Variants in CDH12 observed in about 807,000 individuals in gnomAD.
CDH12 encodes the protein cadherin-12.
A neutral mutation model predicts 74.1 loss-of-function variants in CDH12; 41 were observed. That is an observed-to-expected ratio of 0.55 (90% CI 0.43 to 0.72). The LOEUF (loss-of-function observed/expected upper bound fraction) is 0.72. Ranked by LOEUF, CDH12 falls within the 30% of genes least tolerant of loss-of-function variation. CDH12 has a pLI of 0.00. For synonymous variants in CDH12, 399 were observed against 355.0 expected (o/e 1.12, Z -1.39); for missense variants, 945 against 977.2 (o/e 0.97, Z 0.44).
At chr5:21,856,827 G>A (rs1750778159) in intron 6 of CDH12, among the ~76,000 whole-genome samples, 1 of 151,786 alleles carries the variant, frequency 6.6e-6, no homozygotes, top group Non-Finnish European at 1.5e-5. Flanking sequence ...AAGAATAACT[G>A]CATTCCTATC....
At chr5:21,812,752 T>C (rs1036978317) in intron 9 of CDH12, among the ~76,000 whole-genome samples, 4 of 152,154 alleles carry the variant, frequency 2.6e-5, no homozygotes, top group African/African-American at 7.2e-5. Flanking sequence ...GTGGACAGTT[T>C]TTAAGTTTCA....
chr5:21,887,695 G>C (rs2150040689), intron 6 of CDH12, among the ~76,000 whole-genome samples: 1 of 152,140 alleles, frequency 6.6e-6, no homozygotes, highest in East Asian at 1.9e-4. Flanking sequence ...TAGCCCTCCA[G>C]GTCCTTCATA....
intron 3 of CDH12, among the ~76,000 whole-genome samples, chr5:22,319,339 T>C (rs1318567759): frequency 6.6e-6 from 1 of 152,138 alleles, no homozygotes; most frequent in Admixed American, 6.5e-5. Context: ...TTATTCCCTT[T>C]TTAGAAAGAA....
intron 2 of CDH12, among the ~76,000 whole-genome samples, chr5:22,487,676 C>T (rs1746668245): frequency 6.6e-6 from 1 of 152,126 alleles, no homozygotes; most frequent in Non-Finnish European, 1.5e-5. Context: ...ATATTCATTG[C>T]TCATTGACTA....
chr5:21,850,388 C>A (rs932168374), intron 7 of CDH12, among the ~76,000 whole-genome samples: 2 of 150,940 alleles, frequency 1.3e-5, no homozygotes, highest in Non-Finnish European at 3.0e-5. Flanking sequence ...CTATAGAAAC[C>A]ATTTATATGT....
intron 6 of CDH12, among the ~76,000 whole-genome samples, chr5:21,857,250 C>T (rs1361827248): frequency 1.3e-5 from 2 of 151,762 alleles, no homozygotes; most frequent in African/African-American, 2.4e-5. Context: ...ATAATACAGT[C>T]AATGATTTGC....
At chr5:22,740,176 G>C (rs1000283055) in intron 1 of CDH12, among the ~76,000 whole-genome samples, 1 of 151,984 alleles carries the variant, frequency 6.6e-6, no homozygotes, top group Non-Finnish European at 1.5e-5. Context: ...GTAGTCTTAC[G>C]TATTTGGAAA....
chr5:22,041,655 T>C (rs756954015), intron 5 of CDH12, among the ~76,000 whole-genome samples: 9 of 152,092 alleles, frequency 5.9e-5, no homozygotes, highest in Non-Finnish European at 8.8e-5. Flanking sequence ...AGTGCCTAAA[T>C]ATATATGTAG....
intron 1 of CDH12, among the ~76,000 whole-genome samples, chr5:22,704,508 T>G (rs2126964387): frequency 6.6e-6 from 1 of 152,236 alleles, no homozygotes; most frequent in South Asian, 2.1e-4. Context: ...CAGTAAAGTA[T>G]TCACAAGCAA....
At chr5:22,516,033 T>G (rs1736794355) in intron 1 of CDH12, among the ~76,000 whole-genome samples, 1 of 152,066 alleles carries the variant, frequency 6.6e-6, no homozygotes. Context: ...ATTTAAAAAA[T>G]AACATACACA....
chr5:22,664,812 A>C (rs980459550), intron 1 of CDH12, among the ~76,000 whole-genome samples: 1 of 152,224 alleles, frequency 6.6e-6, no homozygotes, highest in African/African-American at 2.4e-5. Context: ...AGCTCAAATC[A>C]GTATTGTACA....
At chr5:21,778,574 A>C (rs1745734855) in intron 11 of CDH12, among the ~76,000 whole-genome samples, 1 of 150,324 alleles carries the variant, frequency 6.7e-6, no homozygotes, top group Admixed American at 6.6e-5. Context: ...ATCAGTCCTA[A>C]ATTTTTGCAA....
chr5:21,912,884 C>A (rs1753923657), intron 6 of CDH12, among the ~76,000 whole-genome samples: 1 of 152,012 alleles, frequency 6.6e-6, no homozygotes, highest in Admixed American at 6.6e-5. Context: ...ACTCTGTCAC[C>A]CAAGCTGGAG....
intron 1 of CDH12, among the ~76,000 whole-genome samples, chr5:22,839,558 T>C (rs968806152): frequency 2.0e-5 from 3 of 152,096 alleles, no homozygotes; most frequent in Non-Finnish European, 2.9e-5. Flanking sequence ...GGTTTCACCA[T>C]GTTGGCCAGG....
chr5:22,195,194 T>C (rs1750551733), intron 4 of CDH12, among the ~76,000 whole-genome samples: 1 of 152,220 alleles, frequency 6.6e-6, no homozygotes, highest in African/African-American at 2.4e-5. Context: ...CAGGGCAATG[T>C]CAGTGAAATA....
intron 3 of CDH12, among the ~76,000 whole-genome samples, chr5:22,246,441 G>A (rs1331896919): frequency 1.3e-5 from 2 of 151,978 alleles, no homozygotes; most frequent in African/African-American, 4.8e-5. Flanking sequence ...CTAACATGTA[G>A]GCTTTGAAAT....
intron 5 of CDH12, among the ~76,000 whole-genome samples, chr5:22,074,903 A>G (rs370355696): frequency 1.7e-3 from 259 of 152,096 alleles, no homozygotes; most frequent in African/African-American, 6.1e-3. Flanking sequence ...TCAGTGTGGC[A>G]ATTCCTCAGG....
chr5:21,803,112 A>C (rs946694985), intron 9 of CDH12, among the ~76,000 whole-genome samples: 31 of 152,260 alleles, frequency 2.0e-4, no homozygotes, highest in African/African-American at 6.0e-4. Context: ...TGATAAACAA[A>C]AAAATGAATA....
chr5:22,745,068 T>G (rs1745223828), intron 1 of CDH12, among the ~76,000 whole-genome samples: 1 of 151,644 alleles, frequency 6.6e-6, no homozygotes, highest in Admixed American at 6.6e-5. Context: ...TCTGCTGGAA[T>G]TATTGACTTT....
Sources: gnomAD v4.1 joint callset for allele counts (sites outside exome capture counted in the v4.1 genomes callset) on GRCh38, gnomAD v4.1.1 for gene constraint, MANE v1.5 for transcripts, NCBI Gene and HGNC (gene_info 2026-07-23, HGNC 2026-07-21) for gene names.